RSU1: variants seen among roughly 807,000 people sequenced by gnomAD.
RSU1 encodes rsu-1.
A neutral mutation model predicts 31.1 loss-of-function variants in RSU1; 26 were observed. The ratio of observed to expected loss-of-function variants is 0.84; its 90% CI spans 0.61 to 1.16. RSU1 has a LOEUF of 1.16. RSU1 is among the 50% of genes most tolerant of loss of function. The pLI is 0.00. For missense variants in RSU1, 320 were observed against 339.1 expected (o/e 0.94, Z 0.44); for synonymous variants, 164 against 136.3 (o/e 1.20, Z -1.41).
chr10:16,711,892 T>C (rs1836028437), intron 7 of RSU1, among the ~76,000 whole-genome samples: 1 of 152,206 alleles, frequency 6.6e-6, no homozygotes, highest in African/African-American at 2.4e-5. Flanking sequence ...ATCTGCTAGG[T>C]GCATTAGGTC....
intron 2 of RSU1, among the ~76,000 whole-genome samples, chr10:16,815,879 G>T (rs1838518600): frequency 1.3e-5 from 2 of 152,290 alleles, no homozygotes; most frequent in South Asian, 4.1e-4. Context: ...AACAGAATTT[G>T]TAAAGGCACC....
rs374104865 is a variant in RSU1 at position 16,783,633 on chromosome 10, C to T, written c.110-1549G>A. Among the ~76,000 whole-genome samples the T allele has an allele frequency of 6.7e-4, 101 of 151,568 alleles. No homozygotes were observed. The South Asian group carries it at 0.02, about 30-fold the overall frequency. Reference sequence around the variant, plus strand: ...CCTCCCAAAGTGCTAGGATTACAGGCGTGGGCCACCGAGTCCGGCCGCATG... The same window carrying T: ...CCTCCCAAAGTGCTAGGATTACAGGTGTGGGCCACCGAGTCCGGCCGCATG... On this transcript the variant is annotated intron_variant, in intron 2 of 8. Coordinates refer to ENST00000345264, the MANE Select transcript of RSU1 (RefSeq NM_012425.4).
At chr10:16,678,394 AG>A (rs1008936334) in intron 8 of RSU1, among the ~76,000 whole-genome samples, 10 of 152,362 alleles carry the variant, frequency 6.6e-5, no homozygotes, top group South Asian at 4.1e-4. Context: ...CCATGCATTA[AG>A]CGAGAAACCT....
At chr10:16,604,100 T>A (rs1249771889) in intron 8 of RSU1, among the ~76,000 whole-genome samples, 1 of 152,210 alleles carries the variant, frequency 6.6e-6, no homozygotes, top group Non-Finnish European at 1.5e-5. Flanking sequence ...TCAGATTTTA[T>A]GCCCTGCCAA....
intron 7 of RSU1, among the ~76,000 whole-genome samples, chr10:16,711,330 T>C (rs1056587072): frequency 2.3e-5 from 2 of 85,570 alleles, no homozygotes; most frequent in East Asian, 5.5e-4. Context: ...ATTTTGCTTA[T>C]CTTTTCAAAA....
chr10:16,722,909 T>C (rs1209368336), intron 7 of RSU1, among the ~76,000 whole-genome samples: 1 of 148,414 alleles, frequency 6.7e-6, no homozygotes, highest in Non-Finnish European at 1.5e-5. Flanking sequence ...TATACACACA[T>C]ATACATATAT....
intron 8 of RSU1, among the ~76,000 whole-genome samples, chr10:16,682,215 A>T (rs912869050): frequency 6.6e-6 from 1 of 152,174 alleles, no homozygotes; most frequent in African/African-American, 2.4e-5. Flanking sequence ...AAACCCTCAG[A>T]GGCGTTCGAA....
chr10:16,760,517 GAA>G (rs71374701), intron 4 of RSU1, among the ~76,000 whole-genome samples: 1 of 100,232 alleles, frequency 1.0e-5, no homozygotes. Flanking sequence ...CTCAAAAAAA[GAA>G]AAAAAAAAAA....
chr10:16,705,753 G>C (rs1390783176), intron 7 of RSU1, among the ~76,000 whole-genome samples: 1 of 152,162 alleles, frequency 6.6e-6, no homozygotes, highest in African/African-American at 2.4e-5. Flanking sequence ...GCCTCCCAAA[G>C]TGCTGGGATT....
chr10:16,776,393 AAATT>A (rs957876960), intron 3 of RSU1, among the ~76,000 whole-genome samples: 7 of 152,330 alleles, frequency 4.6e-5, no homozygotes, highest in African/African-American at 1.7e-4. Context: ...TTTGATAAAT[AAATT>A]ATTGAAACCA....
chr10:16,678,340 A>C (rs1241177016), intron 8 of RSU1, among the ~76,000 whole-genome samples: 1 of 152,220 alleles, frequency 6.6e-6, no homozygotes, highest in Non-Finnish European at 1.5e-5. Flanking sequence ...GGTGTTATAA[A>C]CAGTGGAAGA....
intron 7 of RSU1, among the ~76,000 whole-genome samples, chr10:16,716,613 C>G (rs377222334): frequency 6.6e-6 from 1 of 152,044 alleles, no homozygotes; most frequent in Non-Finnish European, 1.5e-5. Flanking sequence ...AGGGGACTGC[C>G]TCTTCAGGAG....
At chr10:16,718,644 T>G (rs1836192802) in intron 7 of RSU1, among the ~76,000 whole-genome samples, 1 of 152,120 alleles carries the variant, frequency 6.6e-6, no homozygotes, top group Admixed American at 6.5e-5. Flanking sequence ...ATGGCTCAAA[T>G]TTTATACAAC....
intron 8 of RSU1, among the ~76,000 whole-genome samples, chr10:16,690,966 C>CT (rs1371384506): frequency 2.0e-5 from 3 of 151,918 alleles, no homozygotes; most frequent in African/African-American, 7.3e-5. Flanking sequence ...AGTAAGGATT[C>CT]TTTTTAATAA....
intron 7 of RSU1, among the ~76,000 whole-genome samples, chr10:16,726,295 G>T (rs1836392533): frequency 1.4e-5 from 2 of 139,166 alleles, no homozygotes. Flanking sequence ...TTGAGACAGA[G>T]TCTTGCTCTG....
intron 4 of RSU1, among the ~76,000 whole-genome samples, 156 bp downstream of exon 4, chr10:16,764,234 A>G (rs62620051): frequency 0.049 from 7,504 of 152,280 alleles, 622 homozygotes; most frequent in African/African-American, 0.17. Flanking sequence ...GAAAGAATAT[A>G]TTAAAACAAT....
intron 7 of RSU1, among the ~76,000 whole-genome samples, chr10:16,730,701 A>C (rs762935737): frequency 6.6e-6 from 1 of 152,240 alleles, no homozygotes; most frequent in African/African-American, 2.4e-5. Flanking sequence ...TATAAAAAAT[A>C]AAAAGTAGAA....
At chr10:16,634,767 A>G (rs913935151) in intron 8 of RSU1, among the ~76,000 whole-genome samples, 3 of 152,220 alleles carry the variant, frequency 2.0e-5, no homozygotes, top group African/African-American at 7.2e-5. Flanking sequence ...TTACCTAAGG[A>G]AATTGAGTCC....
intron 8 of RSU1, among the ~76,000 whole-genome samples, chr10:16,600,273 G>C (rs1336528075): frequency 6.6e-6 from 1 of 152,094 alleles, no homozygotes; most frequent in East Asian, 1.9e-4. Context: ...GCGCTGCCCT[G>C]AGCTGCCACC....
Sources: gnomAD v4.1 joint callset for allele counts (sites outside exome capture counted in the v4.1 genomes callset) on GRCh38, gnomAD v4.1.1 for gene constraint, MANE v1.5 for transcripts, NCBI Gene and HGNC (gene_info 2026-07-23, HGNC 2026-07-21) for gene names.